GNAO1: variants seen among roughly 807,000 people sequenced by gnomAD.
GNAO1 encodes the protein G protein subunit alpha o1.
For missense variants in GNAO1, 166 were observed against 478.7 expected (o/e 0.35, Z 6.10); for synonymous variants, 164 against 180.7 (o/e 0.91, Z 0.74).
At position 56,319,361 on chromosome 16, in the gene GNAO1, C is replaced by T. The variant is rs558786416; in HGVS notation, c.304-9270C>T. ...AGGCATCTGCTACATCTCTGAGAAG[C>T]GCGGAAGAAGGTGCTATGACAGGAG... On this transcript the variant is annotated intron_variant, in intron 3 of 8. Coordinates refer to ENST00000262493, the MANE Select transcript of GNAO1 (RefSeq NM_020988.3). 3.3e-5 allele frequency among the ~76,000 whole-genome samples: 5 copies of T among 152,266 alleles called. No individual in the cohort carries two copies. The South Asian group carries it at 8.3e-4, about 25-fold the overall frequency.
At position 56,192,201 on chromosome 16, in the gene GNAO1, C is replaced by A; in HGVS notation, c.-35C>A. 1 of 1,237,516 alleles carries A rather than the reference C, an allele frequency of 8.1e-7. No homozygotes were observed. The highest frequency in any genetic ancestry group is 1.2e-6 in the Non-Finnish European group (1 of 855,940). 76.7% of individuals were successfully genotyped at this position (1,237,516 alleles called of 1,614,324 possible). On this transcript the variant is annotated 5_prime_UTR_variant, in exon 1 of 9. Coordinates refer to ENST00000262493, the MANE Select transcript of GNAO1 (RefSeq NM_020988.3). ...CTCCAAGCCGGGGAGCCGTGCCAGC[C>A]GAGTCGTGCGGGCTGTGGCAGGGAA...
chr16:56,335,777 G>A (rs923377830), intron 5 of GNAO1, among the ~76,000 whole-genome samples: 3 of 152,238 alleles, frequency 2.0e-5, no homozygotes, highest in Non-Finnish European at 4.4e-5. Context: ...CAGCAAGGCG[G>A]GGTCTGAGAA....
chr16:56,256,195 A>G (rs1202036793), intron 2 of GNAO1, among the ~76,000 whole-genome samples: 1 of 152,150 alleles, frequency 6.6e-6, no homozygotes, highest in Non-Finnish European at 1.5e-5. Flanking sequence ...AGCCAGTGGT[A>G]TTGAGGCAGG....
At chr16:56,263,265 G>T (rs1348595020) in intron 2 of GNAO1, among the ~76,000 whole-genome samples, 1 of 152,192 alleles carries the variant, frequency 6.6e-6, no homozygotes, top group Non-Finnish European at 1.5e-5. Flanking sequence ...TTCACAGAAA[G>T]GAGTTATATG....
chr16:56,192,371 T>A lies in GNAO1; in HGVS notation c.118+18T>A, dbSNP rs760689463. The stretch of plus-strand genomic sequence containing the variant: ...CCTGCTCGGTAAGGACCGCCGCTGC[T>A]ACCCCCATCCCCCGACCCCGGCCAC... On this transcript the variant is annotated intron_variant, in intron 1 of 8. Transcript: ENST00000262493. 7.0e-7 allele frequency: 1 copy of A among 1,428,008 alleles called. No individual in the cohort carries two copies. Among genetic ancestry groups the A allele is most frequent in the Non-Finnish European group, 9.9e-7 (1 of 1,013,430 alleles). The allele number at this position is 1,428,008 out of a possible 1,614,324, so 88.5% of individuals were successfully genotyped here.
intron 2 of GNAO1, among the ~76,000 whole-genome samples, chr16:56,200,447 A>G (rs976571490): frequency 2.6e-5 from 4 of 152,172 alleles, no homozygotes; most frequent in African/African-American, 7.2e-5. Flanking sequence ...TTTTCAATCT[A>G]TTATATTCAT....
At chr16:56,214,222 C>T (rs2036418923) in intron 2 of GNAO1, among the ~76,000 whole-genome samples, 1 of 152,122 alleles carries the variant, frequency 6.6e-6, no homozygotes, top group Non-Finnish European at 1.5e-5. Context: ...CTGGGGCTTC[C>T]CGTTGGCCCT....
At position 56,269,570 on chromosome 16, in the gene GNAO1, C is replaced by T. The variant is rs1171143264; in HGVS notation, c.162-6361C>T. Reference sequence around the variant, plus strand: ...CACGCCCATCTCCCAGGAACAGATGCGGAAACAAGCACCCGGTCTCAGCTA... The same window carrying T: ...CACGCCCATCTCCCAGGAACAGATGTGGAAACAAGCACCCGGTCTCAGCTA... On this transcript the variant is annotated intron_variant, in intron 2 of 8. Coordinates refer to ENST00000262493, the MANE Select transcript of GNAO1 (RefSeq NM_020988.3). Among the ~76,000 whole-genome samples, 6 of 152,284 alleles carry T rather than the reference C, an allele frequency of 3.9e-5. No homozygotes were observed. The East Asian group carries it at 7.7e-4, about 20-fold the overall frequency.
At chr16:56,283,738 A>G (rs1282788303) in intron 3 of GNAO1, among the ~76,000 whole-genome samples, 2 of 152,166 alleles carry the variant, frequency 1.3e-5, no homozygotes, top group Admixed American at 6.5e-5. Context: ...TCATACTCCC[A>G]TAGCCCAAAC....
intron 6 of GNAO1, chr16:56,346,260 G>A: frequency 1.0e-6 from 1 of 985,428 alleles, no homozygotes; most frequent in Non-Finnish European, 1.2e-6. Context: ...GGTGACTGAG[G>A]GTGACAAATG....
At chr16:56,297,772 G>C (rs1407448624) in intron 3 of GNAO1, among the ~76,000 whole-genome samples, 1 of 152,130 alleles carries the variant, frequency 6.6e-6, no homozygotes, top group Non-Finnish European at 1.5e-5. Context: ...TTCAGGTTTT[G>C]TCAAACTAGG....
intron 3 of GNAO1, among the ~76,000 whole-genome samples, chr16:56,309,078 C>A (rs1462282214): frequency 6.6e-6 from 1 of 152,176 alleles, no homozygotes; most frequent in Non-Finnish European, 1.5e-5. Flanking sequence ...CTCTCCCAGT[C>A]ACAGGAGACA....
At chr16:56,220,371 T>C (rs1194730538) in intron 2 of GNAO1, among the ~76,000 whole-genome samples, 1 of 152,234 alleles carries the variant, frequency 6.6e-6, no homozygotes, top group Non-Finnish European at 1.5e-5. Context: ...GAGCCTACTG[T>C]GGCCAGGTTC....
intron 2 of GNAO1, among the ~76,000 whole-genome samples, chr16:56,248,853 G>A (rs1434311086): frequency 6.6e-6 from 1 of 152,228 alleles, no homozygotes; most frequent in Non-Finnish European, 1.5e-5. Context: ...GCTGCAGAAG[G>A]ACTTGGACTT....
intron 3 of GNAO1, among the ~76,000 whole-genome samples, chr16:56,285,856 T>C (rs1357370640): frequency 6.6e-6 from 1 of 152,158 alleles, no homozygotes; most frequent in Non-Finnish European, 1.5e-5. Context: ...CTGTGAGAGA[T>C]CTCTCTCCCG....
intron 3 of GNAO1, among the ~76,000 whole-genome samples, chr16:56,324,350 C>T (rs1423421211): frequency 6.6e-6 from 1 of 152,178 alleles, no homozygotes; most frequent in Non-Finnish European, 1.5e-5. Flanking sequence ...TCGCAGGCGT[C>T]CCCAACCCTG....
intron 2 of GNAO1, among the ~76,000 whole-genome samples, chr16:56,234,188 TG>T (rs1393139178): frequency 6.6e-6 from 1 of 152,234 alleles, no homozygotes; most frequent in Non-Finnish European, 1.5e-5. Flanking sequence ...CTGGTCTGGC[TG>T]TAGGCAGGAG....
In GNAO1 at chr16:56,226,981, G is replaced by A. The variant is rs141254966; in HGVS notation, c.161+34365G>A. ...GAAGTTTTGAACAGCCTTTATACCG[G>A]AGAAGTAATCACAGAATGGTTGCTC... On this transcript the variant is annotated intron_variant, in intron 2 of 8. Transcript: ENST00000262493. Among the ~76,000 whole-genome samples the A allele has an allele frequency of 3.9e-5, 6 of 152,300 alleles. No homozygotes were observed. The East Asian group carries it at 1.2e-3, about 29-fold the overall frequency.
At chr16:56,355,723 T>C (rs1400901286) in intron 8 of GNAO1, 1 of 152,262 alleles carries the variant, frequency 6.6e-6, no homozygotes, top group Non-Finnish European at 1.5e-5. Flanking sequence ...TTTATTCATG[T>C]TAAGATGGCA....
Sources: allele counts gnomAD v4.1 joint callset (sites outside exome capture counted in the v4.1 genomes callset), GRCh38; gene constraint gnomAD v4.1.1; transcripts MANE v1.5; gene names NCBI Gene and HGNC (gene_info 2026-07-23, HGNC 2026-07-21).